Variants in KANSL1 observed in about 807,000 individuals in gnomAD.
KANSL1 encodes the protein KAT8 regulatory NSL complex subunit 1.
KANSL1 carries 22 observed loss-of-function variants against 103.6 expected under a neutral mutation model. The ratio of observed to expected loss-of-function variants is 0.21; its 90% CI spans 0.15 to 0.30. KANSL1 has a LOEUF of 0.30. Among genes scored for constraint, KANSL1 ranks in the 10% least tolerant of loss-of-function variants. KANSL1 has a pLI of 1.00. For missense variants in KANSL1, 1,337 were observed against 1,399.8 expected (o/e 0.96, Z 0.72); for synonymous variants, 600 against 527.6 (o/e 1.14, Z -1.88).
intron 1 of KANSL1, among the ~76,000 whole-genome samples, chr17:46,208,017 A>C (rs2048030075): frequency 6.6e-6 from 1 of 152,084 alleles, no homozygotes; most frequent in Non-Finnish European, 1.5e-5. Context: ...AAGCTGAGGC[A>C]GGAGAATCAC....
intron 3 of KANSL1, among the ~76,000 whole-genome samples, chr17:46,092,354 A>C (rs1449427970): frequency 6.6e-6 from 1 of 152,246 alleles, no homozygotes; most frequent in East Asian, 1.9e-4. Context: ...CTGAAGAATA[A>C]AGCATGAACC....
At chr17:46,094,805 T>C in intron 2 of KANSL1, 104 bp from the exon 3 acceptor site, 1 of 1,346,440 alleles carries the variant, frequency 7.4e-7, no homozygotes, top group Non-Finnish European at 1.0e-6. Context: ...TTGCAGAGAC[T>C]AACTCTAGTG....
At chr17:46,129,140 C>T (rs966774714) in intron 2 of KANSL1, among the ~76,000 whole-genome samples, 8 of 152,128 alleles carry the variant, frequency 5.3e-5, no homozygotes, top group African/African-American at 1.9e-4. Context: ...TACCTGACCA[C>T]CATGAAAGCA....
In KANSL1 at chr17:46,046,840, T is replaced by TAA. The variant is rs36102082; in HGVS notation, c.2020+3691_2020+3692dup. ...TGACAGAGCAAAACTGTCTCAAAAG[T>TAA]AAAAAAAAAAAAAAAAAAAGAATTT... is the stretch of plus-strand genomic sequence containing the variant. On this transcript the variant is annotated intron_variant, in intron 7 of 14. Coordinates refer to ENST00000432791, the MANE Select transcript of KANSL1 (RefSeq NM_015443.4). Among the ~76,000 whole-genome samples, 385 of 118,668 alleles carry TAA rather than the reference T, an allele frequency of 3.2e-3. 2 individuals carry two copies. Among genetic ancestry groups the TAA allele is most frequent in the African/African-American group, 5.3e-3 (162 of 30,472 alleles). The allele number at this position is 118,668 out of a possible 152,430, so 77.9% of individuals were successfully genotyped here.
intron 1 of KANSL1, among the ~76,000 whole-genome samples, chr17:46,184,886 C>G (rs1403757456): frequency 1.4e-5 from 2 of 146,610 alleles, no homozygotes; most frequent in African/African-American, 5.1e-5. Flanking sequence ...GTCACCCGGG[C>G]TGGAGTGCAG....
At chr17:46,079,620 T>C (rs1952563017) in intron 4 of KANSL1, among the ~76,000 whole-genome samples, 1 of 152,230 alleles carries the variant, frequency 6.6e-6, no homozygotes, top group Admixed American at 6.5e-5. Context: ...GGTATTAAAA[T>C]ACTGTTAACA....
chr17:46,189,451 G>T (rs971131599), intron 1 of KANSL1, among the ~76,000 whole-genome samples: 8 of 151,932 alleles, frequency 5.3e-5, no homozygotes, highest in Non-Finnish European at 1.2e-4. Flanking sequence ...TCACCAAGAA[G>T]AAAAAAATAG....
intron 1 of KANSL1, among the ~76,000 whole-genome samples, chr17:46,183,823 G>C (rs551419483): frequency 2.0e-5 from 3 of 152,138 alleles, no homozygotes; most frequent in Admixed American, 2.0e-4. Context: ...TGAGGTACAA[G>C]AATCACCTGA....
At chr17:46,200,732 A>G (rs753850593) in intron 1 of KANSL1, among the ~76,000 whole-genome samples, 2 of 151,238 alleles carry the variant, frequency 1.3e-5, no homozygotes, top group Non-Finnish European at 2.9e-5. Context: ...ACAGAGCGAA[A>G]CTCTGTCTCA....
chr17:46,039,032 C>A lies in KANSL1; in HGVS notation c.2387G>T (p.Ser796Ile). The A allele has an allele frequency of 6.2e-7, 1 of 1,610,440 alleles. No homozygotes were observed. Among genetic ancestry groups the A allele is most frequent in the South Asian group, 1.1e-5 (1 of 90,734 alleles). ...MRLRDHSSER[S>I]EVLKHHTDMS... ...TGCCATGGGCCTGGCCCTACCTTCA[C>A]TTCTCTCAGATGAATGGTCTCGCAA... The change falls in exon 9 of 15, where the codon AGT (serine) becomes ATT (isoleucine). Residue 796 changes from serine to isoleucine, a missense_variant. Around this residue, in one of 2 missense-constraint regions of KANSL1, gnomAD observed 780 missense variants for 923.4 expected, o/e 0.84. Transcript: ENST00000432791.
intron 4 of KANSL1, among the ~76,000 whole-genome samples, 156 bp downstream of exon 4, chr17:46,082,285 C>A (rs1444847797): frequency 5.9e-5 from 9 of 152,136 alleles, no homozygotes; most frequent in Non-Finnish European, 1.3e-4. Flanking sequence ...ATTCCCTATT[C>A]AGGAATTCAG....
intron 2 of KANSL1, among the ~76,000 whole-genome samples, chr17:46,136,537 G>A (rs886230867): frequency 5.3e-5 from 8 of 152,160 alleles, no homozygotes; most frequent in Non-Finnish European, 1.0e-4. Flanking sequence ...CTTCCTCAAC[G>A]GTAACATACA....
At chr17:46,067,101 T>C (rs561780636) in intron 5 of KANSL1, among the ~76,000 whole-genome samples, 1 of 152,348 alleles carries the variant, frequency 6.6e-6, no homozygotes, top group African/African-American at 2.4e-5. Context: ...TGGGCTTCCT[T>C]AGAATCAGTT....
At chr17:46,101,754 CAAAAAAAAAAAA>C (rs372439614) in intron 2 of KANSL1, among the ~76,000 whole-genome samples, 8 of 93,656 alleles carry the variant, frequency 8.5e-5, no homozygotes, top group East Asian at 9.2e-4. Flanking sequence ...ACTCTGTCTA[CAAAAAAAAAAAA>C]AAAAAAAAAA....
intron 2 of KANSL1, among the ~76,000 whole-genome samples, chr17:46,169,114 T>C (rs1412349922): frequency 6.6e-6 from 1 of 152,276 alleles, no homozygotes; most frequent in Non-Finnish European, 1.5e-5. Flanking sequence ...CTACAGTGTT[T>C]ATTATACCTC....
chr17:46,169,423 T>C (rs776936569), intron 2 of KANSL1: 1 of 152,238 alleles, frequency 6.6e-6, no homozygotes, highest in Non-Finnish European at 1.5e-5. Flanking sequence ...TCATTTCAGA[T>C]ACAATATCCA....
At chr17:46,043,567 G>A (rs1302654642) in intron 7 of KANSL1, 2 of 152,144 alleles carry the variant, frequency 1.3e-5, no homozygotes, top group Non-Finnish European at 2.9e-5. Flanking sequence ...CTGTTGTACT[G>A]GAGACCTCAG....
chr17:46,045,151 T>C (rs2077458347), intron 7 of KANSL1: 1 of 152,170 alleles, frequency 6.6e-6, no homozygotes, highest in Non-Finnish European at 1.5e-5. Flanking sequence ...GCCTTCACTG[T>C]TATTTACTGC....
At chr17:46,071,844 G>GA (rs5820609) in intron 4 of KANSL1, among the ~76,000 whole-genome samples, 21,773 of 152,178 alleles carry the variant, frequency 0.14, 2,124 homozygotes, top group Non-Finnish European at 0.22. Flanking sequence ...CAGCCAGAAA[G>GA]AAAGAGTAGA....
Sources: allele counts gnomAD v4.1 joint callset (sites outside exome capture counted in the v4.1 genomes callset), GRCh38; gene constraint gnomAD v4.1.1; regional missense constraint gnomAD v4.1.1; transcripts MANE v1.5; gene names NCBI Gene and HGNC (gene_info 2026-07-23, HGNC 2026-07-21).